GALK2: variants seen among roughly 807,000 people sequenced by gnomAD.
GALK2 encodes galactokinase 2.
A neutral mutation model predicts 52.4 loss-of-function variants in GALK2; 36 were observed. The ratio of observed to expected loss-of-function variants is 0.69; its 90% confidence interval spans 0.53 to 0.91. The LOEUF (loss-of-function observed/expected upper bound fraction) is 0.91. GALK2 is among the 40% of genes least tolerant of loss of function. The pLI, the probability that GALK2 is intolerant of heterozygous loss-of-function variation, is 0.00. For missense variants in GALK2, 579 were observed against 559.1 expected (o/e 1.04, Z -0.36); for synonymous variants, 176 against 199.1 (o/e 0.88, Z 0.98).
chr15:49,277,656 CG>C (rs2032040106), intron 5 of GALK2, among the ~76,000 whole-genome samples: 1 of 149,560 alleles, frequency 6.7e-6, no homozygotes, highest in Non-Finnish European at 1.5e-5. Context: ...ATTAGCCGGG[CG>C]TGTTGGCGGG....
chr15:49,249,265 G>T (rs2091488123), intron 5 of GALK2, among the ~76,000 whole-genome samples: 1 of 152,134 alleles, frequency 6.6e-6, no homozygotes, highest in Admixed American at 6.5e-5. Flanking sequence ...AGCCATCTTG[G>T]TCAAGAGTTA....
At chr15:49,157,998 T>A (rs1324985153) in intron 1 of GALK2, among the ~76,000 whole-genome samples, 2 of 151,534 alleles carry the variant, frequency 1.3e-5, no homozygotes, top group Non-Finnish European at 2.9e-5. Context: ...AAGGGAATAA[T>A]GAATTTTTTT....
At chr15:49,349,258 T>G (rs1287779961) in intron 3 of GALK2, among the ~76,000 whole-genome samples, 1 of 152,198 alleles carries the variant, frequency 6.6e-6, no homozygotes, top group East Asian at 1.9e-4. Context: ...TACTCATTCA[T>G]GTGAAACAAA....
intron 8 of GALK2, among the ~76,000 whole-genome samples, chr15:49,302,363 A>G (rs2141872693): frequency 1.3e-5 from 2 of 152,270 alleles, no homozygotes; most frequent in Middle Eastern, 3.4e-3. Flanking sequence ...AGAAGAGATA[A>G]GACTGTGTGG....
intron 3 of GALK2, among the ~76,000 whole-genome samples, chr15:49,222,436 T>C (rs1316072701): frequency 6.6e-6 from 1 of 152,222 alleles, no homozygotes; most frequent in Non-Finnish European, 1.5e-5. Context: ...TTATGTTGAC[T>C]AGGAGTAGTG....
chr15:49,283,780 T>C, intron 7 of GALK2, 62 bp downstream of exon 7: 2 of 1,555,000 alleles, frequency 1.3e-6, no homozygotes, highest in Non-Finnish European at 1.8e-6. Context: ...ATTTTCATTG[T>C]TCTCTATTAC....
In GALK2 at chr15:49,328,174, TCTGAG is replaced by T; in HGVS notation, c.*16_*20del. The stretch of plus-strand genomic sequence containing the variant: ...TTGAGGCCTGAAAAAATGTAAAAAG[TCTGAG>T]AGAAACTACTTAGGGCACTTAGGAA... On this transcript the variant is annotated 3_prime_UTR_variant, in exon 10 of 10. Transcript: ENST00000560031. 1 of 1,607,280 alleles carries T rather than the reference TCTGAG, an allele frequency of 6.2e-7. No homozygotes were observed. Among genetic ancestry groups the T allele is most frequent in the Non-Finnish European group, 8.5e-7 (1 of 1,176,446 alleles).
intron 5 of GALK2, among the ~76,000 whole-genome samples, chr15:49,265,297 G>C (rs1440023079): frequency 1.3e-5 from 2 of 152,218 alleles, no homozygotes; most frequent in East Asian, 1.9e-4. Context: ...CCCCCAGCCT[G>C]GCTGCCGCCT....
intron 3 of GALK2, chr15:49,364,988 G>T: frequency 2.4e-6 from 1 of 421,022 alleles, no homozygotes; most frequent in East Asian, 4.6e-5. Flanking sequence ...GTAACTGTCA[G>T]TACCAGCTCA....
intron 5 of GALK2, among the ~76,000 whole-genome samples, chr15:49,269,864 T>C (rs8043168): frequency 0.95 from 144,652 of 152,320 alleles, 68,786 homozygotes; most frequent in African/African-American, 0.99. Context: ...ATCCTTTCTA[T>C]CTATATATCC....
chr15:49,324,462 G>T (rs1184446714), intron 9 of GALK2, among the ~76,000 whole-genome samples: 1 of 149,770 alleles, frequency 6.7e-6, no homozygotes, highest in East Asian at 1.9e-4. Flanking sequence ...TTCTCTTTGG[G>T]CCTCTTTGAC....
intron 8 of GALK2, among the ~76,000 whole-genome samples, chr15:49,304,347 G>A (rs919259633): frequency 3.9e-5 from 6 of 152,166 alleles, no homozygotes; most frequent in African/African-American, 1.4e-4. Flanking sequence ...AGTCTCAGTG[G>A]CTTGACCAAG....
At chr15:49,214,209 C>T (rs887073740) in intron 2 of GALK2, among the ~76,000 whole-genome samples, 2 of 151,846 alleles carry the variant, frequency 1.3e-5, no homozygotes, top group Non-Finnish European at 2.9e-5. Flanking sequence ...AATAACATAA[C>T]CAATTATTTT....
chr15:49,339,854 G>C (rs1036518490), intron 3 of GALK2, among the ~76,000 whole-genome samples: 2 of 152,128 alleles, frequency 1.3e-5, no homozygotes, highest in Non-Finnish European at 2.9e-5. Flanking sequence ...AGGCAGCAGC[G>C]GCCTTGCTGA....
At chr15:49,202,104 A>G (rs1049157536) in intron 2 of GALK2, among the ~76,000 whole-genome samples, 1 of 152,092 alleles carries the variant, frequency 6.6e-6, no homozygotes, top group Admixed American at 6.5e-5. Context: ...CCCGGGTTCA[A>G]GTGATTCTCC....
At chr15:49,189,270 G>C (rs772358980) in intron 1 of GALK2, among the ~76,000 whole-genome samples, 12 of 152,056 alleles carry the variant, frequency 7.9e-5, no homozygotes, top group Non-Finnish European at 1.3e-4. Flanking sequence ...TAAACACAAG[G>C]ACATTCTTTT....
intron 1 of GALK2, among the ~76,000 whole-genome samples, chr15:49,159,756 C>G (rs2084585895): frequency 6.6e-6 from 1 of 151,914 alleles, no homozygotes; most frequent in South Asian, 2.1e-4. Context: ...CAGTCTTCTT[C>G]TCAATATTTT....
intron 3 of GALK2, among the ~76,000 whole-genome samples, chr15:49,223,505 C>T (rs1217996609): frequency 1.3e-5 from 2 of 152,144 alleles, no homozygotes; most frequent in Non-Finnish European, 2.9e-5. Context: ...AGCCAATAGG[C>T]AGTTTTTCAG....
intron 3 of GALK2, among the ~76,000 whole-genome samples, chr15:49,356,336 C>G (rs2043164023): frequency 6.7e-6 from 1 of 150,286 alleles, no homozygotes; most frequent in African/African-American, 2.4e-5. Flanking sequence ...ATTCAGGAAA[C>G]CCATCTCATG....
Sources: allele counts gnomAD v4.1 joint callset (sites outside exome capture counted in the v4.1 genomes callset), GRCh38; gene constraint gnomAD v4.1.1; transcripts MANE v1.5; gene names NCBI Gene and HGNC (gene_info 2026-07-23, HGNC 2026-07-21).